Variants in MYZAP observed in about 807,000 individuals in gnomAD.
MYZAP encodes GRINL1A complex locus upstream.
Under a neutral mutation model 69.4 loss-of-function variants are expected in MYZAP, and 66 were observed. That is an observed-to-expected ratio of 0.95 (90% confidence interval 0.78 to 1.17). The LOEUF is 1.17. Among genes scored for constraint, MYZAP ranks in the 50% most tolerant of loss-of-function variants. The pLI is 0.00. For missense variants in MYZAP, 611 were observed against 556.2 expected (o/e 1.10, Z -0.99); for synonymous variants, 256 against 205.9 (o/e 1.24, Z -2.09).
chr15:57,654,915 C>T (rs139869842), intron 10 of MYZAP, among the ~76,000 whole-genome samples: 1 of 151,352 alleles, frequency 6.6e-6, no homozygotes, highest in African/African-American at 2.4e-5. Flanking sequence ...CTGTTTCTAA[C>T]GCAGTTTTTA....
intron 10 of MYZAP, among the ~76,000 whole-genome samples, chr15:57,642,094 A>T (rs1484715562): frequency 6.6e-6 from 1 of 152,242 alleles, no homozygotes; most frequent in Non-Finnish European, 1.5e-5. Flanking sequence ...TACTGGCTGC[A>T]CTGGTAAGGC....
At position 57,598,551 on chromosome 15, in the gene MYZAP, C is replaced by T. The variant is rs74376490; in HGVS notation, c.76-5718C>T. Among the ~76,000 whole-genome samples, 117 of 152,316 alleles carry T rather than the reference C, an allele frequency of 7.7e-4. 2 individuals are homozygous for T. In the East Asian group the frequency reaches 0.021, roughly 27 times the overall value. Reference sequence around the variant, plus strand: ...ATCACTCCCCCTATGTTTTCCCTTCCGTCCATTGTGTGGTGCATGGAACAC... The same window carrying T: ...ATCACTCCCCCTATGTTTTCCCTTCTGTCCATTGTGTGGTGCATGGAACAC... On this transcript the variant is annotated intron_variant, in intron 1 of 12. Coordinates refer to ENST00000267853, the MANE Select transcript of MYZAP (RefSeq NM_001018100.5).
chr15:57,646,395 G>A (rs923167483), intron 10 of MYZAP: 1 of 1,134,688 alleles, frequency 8.8e-7, no homozygotes, highest in Non-Finnish European at 1.1e-6. Context: ...ACCCTGACTT[G>A]TACAGCCTCA....
At position 57,637,782 on chromosome 15, in the gene MYZAP, G is replaced by A. The variant is rs766665230; in HGVS notation, c.1013+8G>A. The A allele has an allele frequency of 7.5e-6, 12 of 1,604,936 alleles. No individual in the cohort carries two copies. The Middle Eastern group carries it at 6.6e-4, about 88-fold the overall frequency. On this transcript the variant is annotated splice_region_variant and intron_variant, in intron 9 of 12. Transcript: ENST00000267853. Reference sequence around the variant, plus strand: ...TGATTCTGACAAGGAAAGGTAAGACGTAATGCCTTTCGTCTTGTAATGGAT... The same window carrying A: ...TGATTCTGACAAGGAAAGGTAAGACATAATGCCTTTCGTCTTGTAATGGAT...
intron 12 of MYZAP, among the ~76,000 whole-genome samples, chr15:57,679,996 T>C (rs1032504104): frequency 5.9e-5 from 9 of 152,220 alleles, no homozygotes; most frequent in African/African-American, 2.2e-4. Flanking sequence ...CCTCCTGCTT[T>C]ATCTGCAGCT....
chr15:57,662,117 C>T (rs554637675), intron 11 of MYZAP, among the ~76,000 whole-genome samples: 3 of 152,270 alleles, frequency 2.0e-5, no homozygotes, highest in Non-Finnish European at 4.4e-5. Flanking sequence ...TCTTGACTTT[C>T]TGGCTTTTTG....
chr15:57,642,386 C>T (rs972563254), intron 10 of MYZAP, among the ~76,000 whole-genome samples: 1 of 152,124 alleles, frequency 6.6e-6, no homozygotes, highest in Non-Finnish European at 1.5e-5. Flanking sequence ...TTGAAAAATC[C>T]GGAGTACTGA....
chr15:57,678,041 C>CA lies in MYZAP; in HGVS notation c.1304+2994dup, dbSNP rs56102709. ...CCACATAGCAGGACCTTATCTCTACCAAAAAAAAAAAAAAAAAAAAAGAAA... is the reference window on the plus strand; with the variant it reads ...CCACATAGCAGGACCTTATCTCTACCAAAAAAAAAAAAAAAAAAAAAAGAAA... On this transcript the variant is annotated intron_variant, in intron 12 of 12. Transcript: ENST00000267853. Among the ~76,000 whole-genome samples, 965 of 116,138 alleles carry CA rather than the reference C, an allele frequency of 8.3e-3. 7 individuals are homozygous for CA. The highest frequency in any genetic ancestry group is 0.049 in the South Asian group (167 of 3,438). The allele number at this position is 116,138 out of a possible 152,430, so 76.2% of individuals were successfully genotyped here.
chr15:57,678,562 T>C (rs1431697966), intron 12 of MYZAP, among the ~76,000 whole-genome samples: 1 of 152,168 alleles, frequency 6.6e-6, no homozygotes, highest in African/African-American at 2.4e-5. Flanking sequence ...GTGGTAATCA[T>C]TGATTTTATG....
chr15:57,623,198 A>G (rs1433688675), intron 4 of MYZAP, among the ~76,000 whole-genome samples: 1 of 152,216 alleles, frequency 6.6e-6, no homozygotes, highest in Admixed American at 6.5e-5. Flanking sequence ...CATTGTTCAC[A>G]GGCCTGTGGG....
chr15:57,593,214 A>ACACACACACACACACACACCCCC (rs1172761785), intron 1 of MYZAP, among the ~76,000 whole-genome samples: 4 of 141,436 alleles, frequency 2.8e-5, no homozygotes, highest in African/African-American at 1.1e-4. Context: ...ACACACACAC[A>ACACACACACACACACACACCCCC]CCCCAGAATC....
chr15:57,646,762 T>A, intron 10 of MYZAP: 2 of 985,492 alleles, frequency 2.0e-6, no homozygotes, highest in Non-Finnish European at 2.4e-6. Context: ...AGGACTCTTC[T>A]AAGAGGAGTT....
chr15:57,645,996 G>GA, intron 10 of MYZAP: 1 of 375,206 alleles, frequency 2.7e-6, no homozygotes, highest in Non-Finnish European at 5.1e-6. Context: ...TGCAACACAC[G>GA]AAAGTACATT....
chr15:57,621,030 A>G (rs1463864246), intron 3 of MYZAP, among the ~76,000 whole-genome samples: 1 of 148,168 alleles, frequency 6.7e-6, no homozygotes, highest in Non-Finnish European at 1.5e-5. Flanking sequence ...CTATATTAAT[A>G]TATGCCTATA....
chr15:57,684,383 G>T lies in MYZAP; in HGVS notation c.1305-19G>T. 1 of 1,574,418 alleles carries T rather than the reference G, an allele frequency of 6.4e-7. No individual in the cohort carries two copies. The highest frequency in any genetic ancestry group is 8.7e-7 in the Non-Finnish European group (1 of 1,145,748). On this transcript the variant is annotated intron_variant, in intron 12 of 12. Transcript: ENST00000267853. ...TTGTTTTGTTTCATTTTCCTGACCT[G>T]CATTTTCTCATTTCTCAGCCAAACA...
intron 12 of MYZAP, among the ~76,000 whole-genome samples, chr15:57,676,459 C>A (rs966748471): frequency 7.2e-6 from 1 of 138,844 alleles, no homozygotes; most frequent in African/African-American, 2.8e-5. Context: ...TATATATATA[C>A]ATATATATAC....
At chr15:57,603,367 T>G (rs181200471) in intron 1 of MYZAP, among the ~76,000 whole-genome samples, 72 of 152,332 alleles carry the variant, frequency 4.7e-4, no homozygotes, top group African/African-American at 1.6e-3. Flanking sequence ...TGACCCTTTT[T>G]AAGTGTATAG....
At chr15:57,645,184 A>G (rs1299696714) in intron 10 of MYZAP, among the ~76,000 whole-genome samples, 19 of 152,228 alleles carry the variant, frequency 1.2e-4, no homozygotes, top group African/African-American at 4.6e-4. Context: ...GTGATTCCTA[A>G]GGAATGATTT....
chr15:57,636,896 G>C (rs2036850648), intron 8 of MYZAP, among the ~76,000 whole-genome samples: 1 of 152,158 alleles, frequency 6.6e-6, no homozygotes, highest in African/African-American at 2.4e-5. Flanking sequence ...TCCATTCCTA[G>C]AGGTCAGAAG....
Sources: gnomAD v4.1 joint callset for allele counts (sites outside exome capture counted in the v4.1 genomes callset) on GRCh38, gnomAD v4.1.1 for gene constraint, MANE v1.5 for transcripts, NCBI Gene and HGNC (gene_info 2026-07-23, HGNC 2026-07-21) for gene names.